Variants in KCTD16 observed in about 807,000 individuals in gnomAD.
KCTD16 encodes BTB/POZ domain-containing protein KCTD16.
A neutral mutation model predicts 33.2 loss-of-function variants in KCTD16; 13 were observed. That is an observed-to-expected ratio of 0.39 (90% confidence interval 0.25 to 0.62). The LOEUF is 0.62. KCTD16 is among the 20% of genes least tolerant of loss of function. KCTD16 has a pLI of 0.50. For missense variants in KCTD16, 441 were observed against 525.1 expected, an observed-to-expected ratio of 0.84 and a Z score of 1.57; for synonymous variants, 197 against 195.3, an observed-to-expected ratio of 1.01 and a Z score of -0.07.
intron 3 of KCTD16, among the ~76,000 whole-genome samples, chr5:144,416,625 A>G (rs748519103): frequency 4.6e-5 from 7 of 152,178 alleles, no homozygotes; most frequent in African/African-American, 9.6e-5. Flanking sequence ...TTGAAGTGAG[A>G]TTTGCATAAC....
intron 3 of KCTD16, among the ~76,000 whole-genome samples, chr5:144,208,520 G>A (rs556100452): frequency 6.6e-6 from 1 of 152,322 alleles, no homozygotes; most frequent in East Asian, 1.9e-4. Context: ...CCCAGGAGTT[G>A]GGTGAAGTAA....
At chr5:144,302,930 A>C (rs1751483456) in intron 3 of KCTD16, among the ~76,000 whole-genome samples, 1 of 152,230 alleles carries the variant, frequency 6.6e-6, no homozygotes, top group African/African-American at 2.4e-5. Flanking sequence ...GTGGAAAAGA[A>C]ATGCAGCCTA....
At chr5:144,273,236 C>T (rs4912666) in intron 3 of KCTD16, among the ~76,000 whole-genome samples, 50,677 of 151,942 alleles carry the variant, frequency 0.33, 9,072 homozygotes, top group African/African-American at 0.46. Context: ...TTCCTAATCA[C>T]TAGGGAAATA....
At chr5:144,343,675 G>T (rs191543552) in intron 3 of KCTD16, among the ~76,000 whole-genome samples, 5,051 of 152,028 alleles carry the variant, frequency 0.033, 292 homozygotes, top group African/African-American at 0.11. Flanking sequence ...TGATGTTAGG[G>T]TGTCAATTTT....
At chr5:144,296,222 A>AAT (rs1426597613) in intron 3 of KCTD16, among the ~76,000 whole-genome samples, 1 of 152,176 alleles carries the variant, frequency 6.6e-6, no homozygotes, top group African/African-American at 2.4e-5. Context: ...TGGTAAAAAA[A>AAT]ATAAAAGGAC....
chr5:144,223,619 G>T (rs1025305306), intron 3 of KCTD16, among the ~76,000 whole-genome samples: 3 of 151,716 alleles, frequency 2.0e-5, no homozygotes, highest in Admixed American at 2.0e-4. Context: ...AAACTGCAAT[G>T]CTGGATGAAA....
chr5:144,450,489 C>A (rs910515525), intron 3 of KCTD16, among the ~76,000 whole-genome samples: 31 of 152,012 alleles, frequency 2.0e-4, no homozygotes, highest in African/African-American at 6.5e-4. Context: ...AAAGAGATAT[C>A]TGCACTCTCA....
At position 144,305,651 on chromosome 5, in the gene KCTD16, TA is replaced by T. The variant is rs199512466; in HGVS notation, c.832+98110del. 2.1e-3 allele frequency among the ~76,000 whole-genome samples: 322 copies of T among 151,944 alleles called. 8 individuals are homozygous for T. Among genetic ancestry groups the T allele is most frequent in the East Asian group, 0.014 (73 of 5,138 alleles). On this transcript the variant is annotated intron_variant, in intron 3 of 3. Transcript: ENST00000512467. ...CAACATGGTGAAACCCCATCTCTAC[TA>T]AAAATACAAAAATTAGCTGGGCATG...
chr5:144,372,895 A>G (rs543697312), intron 3 of KCTD16, among the ~76,000 whole-genome samples: 1 of 152,258 alleles, frequency 6.6e-6, no homozygotes, highest in Non-Finnish European at 1.5e-5. Context: ...GCTTTATTTC[A>G]TTTTTTTGCC....
At chr5:144,415,604 T>G (rs1266414583) in intron 3 of KCTD16, among the ~76,000 whole-genome samples, 1 of 152,176 alleles carries the variant, frequency 6.6e-6, no homozygotes, top group Non-Finnish European at 1.5e-5. Flanking sequence ...TTTGAGGAAT[T>G]GTACAAAAAA....
At chr5:144,256,322 C>T (rs1235688831) in intron 3 of KCTD16, among the ~76,000 whole-genome samples, 1 of 152,184 alleles carries the variant, frequency 6.6e-6, no homozygotes, top group Non-Finnish European at 1.5e-5. Context: ...CAAAGAAATT[C>T]TTCCACTACT....
At chr5:144,206,322 T>A (rs1249472609) in intron 2 of KCTD16, 67 bp from the exon 3 acceptor site, 1 of 166,030 alleles carries the variant, frequency 6.0e-6, no homozygotes, top group Non-Finnish European at 1.3e-5. Flanking sequence ...CCTCTCTCTC[T>A]CTCCAGAGGA....
At chr5:144,370,435 C>A (rs1031681764) in intron 3 of KCTD16, among the ~76,000 whole-genome samples, 1 of 152,074 alleles carries the variant, frequency 6.6e-6, no homozygotes, top group East Asian at 1.9e-4. Flanking sequence ...CTGAGAGATT[C>A]CTTTATTTAT....
intron 3 of KCTD16, among the ~76,000 whole-genome samples, chr5:144,279,742 A>T (rs994212003): frequency 6.6e-6 from 1 of 152,230 alleles, no homozygotes; most frequent in African/African-American, 2.4e-5. Flanking sequence ...TAGCCCTTGG[A>T]ACCTAATCAC....
At chr5:144,312,245 C>A (rs1174852055) in intron 3 of KCTD16, among the ~76,000 whole-genome samples, 1 of 152,142 alleles carries the variant, frequency 6.6e-6, no homozygotes, top group African/African-American at 2.4e-5. Flanking sequence ...GTTACTCTGC[C>A]GTACAGACCA....
chr5:144,230,207 G>T (rs1450594367), intron 3 of KCTD16, among the ~76,000 whole-genome samples: 1 of 152,204 alleles, frequency 6.6e-6, no homozygotes, highest in Non-Finnish European at 1.5e-5. Context: ...CTACAAGGAT[G>T]AAATGTATTG....
rs117162627 is a variant in KCTD16, at chr5:144,177,584, A to G, written c.-327+3112A>G. On this transcript the variant is annotated intron_variant, in intron 2 of 3. Transcript: ENST00000512467. The stretch of plus-strand genomic sequence containing the variant: ...ACATTCCTTAGCTTGTAGATGCATC[A>G]GTCCAATCTCTGCCTTCACCTTGAC... Among the ~76,000 whole-genome samples the G allele has an allele frequency of 5.3e-5, 8 of 152,284 alleles. No individual in the cohort carries two copies. In the East Asian group the frequency reaches 1.4e-3, roughly 26 times the overall value.
At chr5:144,460,729 G>T (rs1247193569) in intron 3 of KCTD16, among the ~76,000 whole-genome samples, 1 of 152,170 alleles carries the variant, frequency 6.6e-6, no homozygotes, top group Admixed American at 6.5e-5. Context: ...ATGAGTCATT[G>T]CACCAGGCCC....
chr5:144,280,351 T>A lies in KCTD16; in HGVS notation c.832+72805T>A, dbSNP rs552582580. Among the ~76,000 whole-genome samples, 318 of 152,278 alleles carry A rather than the reference T, an allele frequency of 2.1e-3. 1 individual carries two copies. Among genetic ancestry groups the A allele is most frequent in the African/African-American group, 6.4e-3 (267 of 41,578 alleles). ...TAATTTATAAATTAAAGTTTTTTTT[T>A]AAAATAGCTATATAACTATTATAGT... On this transcript the variant is annotated intron_variant, in intron 3 of 3. Coordinates refer to ENST00000512467, the MANE Select transcript of KCTD16 (RefSeq NM_020768.4).
Sources: gnomAD v4.1 joint callset for allele counts (sites outside exome capture counted in the v4.1 genomes callset) on GRCh38, gnomAD v4.1.1 for gene constraint, MANE v1.5 for transcripts, NCBI Gene and HGNC (gene_info 2026-07-23, HGNC 2026-07-21) for gene names.